Variants in NAALADL2 observed in about 807,000 individuals in gnomAD.
NAALADL2 encodes N-acetylated alpha-linked acidic dipeptidase like 2.
Under a neutral mutation model 87.2 loss-of-function variants are expected in NAALADL2, and 76 were observed. The observed-to-expected ratio is 0.87, with a 90% CI of 0.72 to 1.05. The LOEUF (loss-of-function observed/expected upper bound fraction) is 1.05, where lower values mean the gene tolerates loss of function less well. NAALADL2 is among the 50% of genes least tolerant of loss of function. The probability of loss-of-function intolerance (pLI) is 0.00; values close to 1 mark genes in which losing one functional copy is unlikely to be tolerated. For missense variants in NAALADL2, 1,089 were observed against 945.8 expected, an observed-to-expected ratio of 1.15 and a Z score of -1.99; for synonymous variants, 354 against 331.0, an observed-to-expected ratio of 1.07 and a Z score of -0.75.
chr3:175,387,529 G>A lies in NAALADL2; in HGVS notation c.1091-59700G>A, dbSNP rs532246037. 4.6e-5 allele frequency among the ~76,000 whole-genome samples: 7 copies of A among 152,066 alleles called. No individual in the cohort carries two copies. The East Asian group carries it at 9.7e-4, about 21-fold the overall frequency. On this transcript the variant is annotated intron_variant, in intron 5 of 13. Transcript: ENST00000454872. The stretch of plus-strand genomic sequence containing the variant: ...TAGTATCATTATAAATTTAGGAACT[G>A]TTTTACTTTTGAATATGTAAGAAAT...
intron 12 of NAALADL2, among the ~76,000 whole-genome samples, chr3:175,753,380 G>T (rs1207522688): frequency 1.3e-4 from 20 of 151,758 alleles, no homozygotes; most frequent in Admixed American, 1.2e-3. Flanking sequence ...AATTTTATTT[G>T]TTATCAGATT....
intron 9 of NAALADL2, among the ~76,000 whole-genome samples, chr3:175,495,904 A>G (rs1207993591): frequency 6.6e-6 from 1 of 152,078 alleles, no homozygotes. Flanking sequence ...CCAGTGTGCT[A>G]GTTAATAGCT....
chr3:175,215,037 C>T (rs1180615871), intron 2 of NAALADL2, among the ~76,000 whole-genome samples: 2 of 152,184 alleles, frequency 1.3e-5, no homozygotes, highest in Admixed American at 1.3e-4. Context: ...GGTTCTCAGC[C>T]ACCACAGCCC....
intron 2 of NAALADL2, among the ~76,000 whole-genome samples, chr3:175,190,252 C>A (rs185012926): frequency 2.6e-5 from 4 of 151,720 alleles, no homozygotes; most frequent in Admixed American, 2.6e-4. Flanking sequence ...GCAAAGGAAA[C>A]AACAGAATGA....
In NAALADL2 at chr3:174,672,662, G is replaced by T. The variant is rs1279286557; in HGVS notation, c.-114-64979G>T. Among the ~76,000 whole-genome samples the T allele has an allele frequency of 2.6e-5, 4 of 152,028 alleles. No homozygotes were observed. In the South Asian group the frequency reaches 8.3e-4, roughly 31 times the overall value. On this transcript the variant is annotated intron_variant, in intron 2 of 3. Coordinates refer to the NAALADL2 transcript ENST00000434257. The stretch of plus-strand genomic sequence containing the variant: ...TTTTATAGAAGATAGGCTAAGAAAG[G>T]TCTAAGGGAAGTGATTTTTGAATAA...
At chr3:174,468,951 C>T (rs1716715424) in intron 1 of NAALADL2, among the ~76,000 whole-genome samples, 2 of 147,408 alleles carry the variant, frequency 1.4e-5, no homozygotes, top group Non-Finnish European at 1.5e-5. Context: ...GTAGTAGTGA[C>T]GGGGTTTCAC....
Position 175,324,187 on chromosome 3 carries a change from G to T in NAALADL2, c.952G>T (p.Glu318Ter), listed in dbSNP as rs2110435418. 1.9e-6 allele frequency: 3 copies of T among 1,612,452 alleles called. No homozygotes were observed. In the East Asian group the frequency reaches 6.7e-5, roughly 36 times the overall value. ...LPLLYKLSSL[E>*]KAGFGGVLLY... ...TTCCCTCTTTTAGCTTTCCTCATTGGAAAAGGCTGGATTTGGAGGTGTTCT... is the reference window on the plus strand; with the variant it reads ...TTCCCTCTTTTAGCTTTCCTCATTGTAAAAGGCTGGATTTGGAGGTGTTCT... The change falls in exon 5 of 14, where the codon GAA becomes TAA. Residue 318 changes from glutamate to a stop codon, truncating the protein, a stop_gained. Transcript: ENST00000454872. LOFTEE classifies it high-confidence loss of function.
chr3:174,619,858 A>G (rs1294911130), intron 2 of NAALADL2, among the ~76,000 whole-genome samples: 1 of 152,014 alleles, frequency 6.6e-6, no homozygotes, highest in African/African-American at 2.4e-5. Flanking sequence ...TAGCAAAATA[A>G]TAATAACAAT....
intron 2 of NAALADL2, chr3:175,124,639 G>T (rs1374655346): frequency 6.6e-6 from 1 of 152,044 alleles, no homozygotes; most frequent in Non-Finnish European, 1.5e-5. Flanking sequence ...AGAAAGTAAA[G>T]AGGTAAGAAA....
intron 11 of NAALADL2, among the ~76,000 whole-genome samples, chr3:175,713,915 G>A (rs907185801): frequency 6.6e-6 from 1 of 152,060 alleles, no homozygotes; most frequent in Non-Finnish European, 1.5e-5. Context: ...GGTGTGTGAT[G>A]TTCCCCATCC....
chr3:174,885,845 T>C (rs1730032057), intron 1 of NAALADL2, among the ~76,000 whole-genome samples: 1 of 120,392 alleles, frequency 8.3e-6, no homozygotes, highest in Non-Finnish European at 1.7e-5. Flanking sequence ...ATAGGCCATC[T>C]GCTGAGGAGC....
intron 3 of NAALADL2, among the ~76,000 whole-genome samples, chr3:174,839,116 A>T (rs2109411211): frequency 6.6e-6 from 1 of 152,340 alleles, no homozygotes; most frequent in East Asian, 1.9e-4. Context: ...ATTGTCACCA[A>T]AACAGAATGG....
chr3:175,338,641 AC>A (rs1762266568), intron 5 of NAALADL2, among the ~76,000 whole-genome samples: 1 of 146,214 alleles, frequency 6.8e-6, no homozygotes, highest in Non-Finnish European at 1.5e-5. Context: ...ACACACACAC[AC>A]ACACACACAC....
chr3:175,504,008 C>T (rs1256229408), intron 9 of NAALADL2, among the ~76,000 whole-genome samples: 3 of 152,034 alleles, frequency 2.0e-5, no homozygotes, highest in Non-Finnish European at 2.9e-5. Context: ...TTTGCCAGGT[C>T]CTATGTTCAG....
At chr3:175,490,513 A>T (rs186501788) in intron 9 of NAALADL2, among the ~76,000 whole-genome samples, 1,747 of 149,676 alleles carry the variant, frequency 0.012, 34 homozygotes, top group African/African-American at 0.041. Context: ...CAGCCTCCCG[A>T]GTAGCTGGGA....
chr3:174,694,105 T>C (rs1415790477), intron 2 of NAALADL2, among the ~76,000 whole-genome samples: 1 of 152,166 alleles, frequency 6.6e-6, no homozygotes, highest in Non-Finnish European at 1.5e-5. Flanking sequence ...CTTTGTAATT[T>C]CAGCCATGTG....
In NAALADL2 at chr3:174,442,149, T is replaced by G. The variant is rs906468168; in HGVS notation, c.-184+1117T>G. On this transcript the variant is annotated intron_variant, in intron 1 of 3. Coordinates refer to the NAALADL2 transcript ENST00000434257. ...AGATTCTGTGCTGACTGGTGACAGGTTAACAGAGAAGAGATTCCGTTCCTG... is the reference window on the plus strand; with the variant it reads ...AGATTCTGTGCTGACTGGTGACAGGGTAACAGAGAAGAGATTCCGTTCCTG... Among the ~76,000 whole-genome samples the G allele has an allele frequency of 2.6e-5, 4 of 152,152 alleles. No homozygotes were observed. The East Asian group carries it at 5.8e-4, about 22-fold the overall frequency.
intron 2 of NAALADL2, among the ~76,000 whole-genome samples, chr3:174,669,573 G>T (rs1411088115): frequency 6.6e-6 from 1 of 151,974 alleles, no homozygotes; most frequent in Non-Finnish European, 1.5e-5. Flanking sequence ...TTATATCTAG[G>T]TTCTTTATTC....
At chr3:175,660,673 C>T (rs1241457585) in intron 11 of NAALADL2, among the ~76,000 whole-genome samples, 2 of 152,054 alleles carry the variant, frequency 1.3e-5, no homozygotes, top group African/African-American at 4.8e-5. Context: ...CTTTTCCCTT[C>T]CCAGCCTCTG....
Sources: gnomAD v4.1 joint callset for allele counts (sites outside exome capture counted in the v4.1 genomes callset) on GRCh38, gnomAD v4.1.1 for gene constraint, MANE v1.5 for transcripts, NCBI Gene and HGNC (gene_info 2026-07-23, HGNC 2026-07-21) for gene names.